The following UAP1 variants were observed in gnomAD, a reference collection of about 807,000 sequenced individuals.
The protein encoded by UAP1 is UDP-N-acetylhexosamine pyrophosphorylase.
A neutral mutation model predicts 58.5 loss-of-function variants in UAP1; 25 were observed. That is an observed-to-expected ratio of 0.43 (90% CI 0.31 to 0.60). The LOEUF is 0.60. Among genes scored for constraint, UAP1 ranks in the 20% least tolerant of loss-of-function variants. UAP1 has a pLI of 0.11. For missense variants in UAP1, 575 were observed against 630.0 expected (o/e 0.91, Z 0.93); for synonymous variants, 208 against 213.0 (o/e 0.98, Z 0.21).
At chr1:162,571,295 A>G (rs551769431) in intron 2 of UAP1, among the ~76,000 whole-genome samples, 3 of 151,846 alleles carry the variant, frequency 2.0e-5, no homozygotes, top group Admixed American at 2.0e-4. Context: ...CACCCAGCCA[A>G]TTTTTGTATT....
At chr1:162,600,548 T>A (rs1307578819), downstream of UAP1, among the ~76,000 whole-genome samples, 1 of 152,006 alleles carries the variant, frequency 6.6e-6, no homozygotes, top group Non-Finnish European at 1.5e-5. Context: ...ATTCTAAAAA[T>A]TATATCTAGA....
chr1:162,582,384 TAA>T (rs1027495508), intron 5 of UAP1, among the ~76,000 whole-genome samples: 66 of 152,196 alleles, frequency 4.3e-4, no homozygotes, highest in Admixed American at 8.5e-4. Context: ...AATTGTAAAT[TAA>T]AAGAGTGTGG....
intron 6 of UAP1, 164 bp downstream of exon 6, chr1:162,587,832 T>A: frequency 1.4e-6 from 1 of 698,702 alleles, no homozygotes; most frequent in Non-Finnish European, 2.3e-6. Flanking sequence ...TTGTTTTTAG[T>A]AAGATGTATT....
chr1:162,590,435 C>G (rs749826575), exon 8 of UAP1: 1 of 1,613,216 alleles, frequency 6.2e-7, no homozygotes, highest in East Asian at 2.2e-5. Context: ...TTTGATGTCC[C>G]TTCATCATTG....
chr1:162,587,619 A>G, exon 6 of UAP1: 1 of 1,614,142 alleles, frequency 6.2e-7, no homozygotes, highest in Non-Finnish European at 8.5e-7. Flanking sequence ...CAATGCGGGG[A>G]ACATTGCCAA....
In UAP1 at chr1:162,574,024, C is replaced by A. The variant is rs147496335; in HGVS notation, c.281-2753C>A. Among the ~76,000 whole-genome samples the A allele has an allele frequency of 1.5e-4, 22 of 150,552 alleles. No individual in the cohort carries two copies. The South Asian group carries it at 3.1e-3, about 22-fold the overall frequency. ...GAATAATGTTCTTGGACTATACTTA[C>A]TAATAAAGGAAAAATAGAGTCAGAA... On this transcript the variant is annotated intron_variant, in intron 2 of 10. Transcript: ENST00000271469.
At chr1:162,576,680 A>C (rs1213249642) in intron 2 of UAP1, 97 bp from the exon 3 acceptor site, 6 of 1,151,886 alleles carry the variant, frequency 5.2e-6, no homozygotes, top group Non-Finnish European at 7.5e-6. Flanking sequence ...GTATAGCCTT[A>C]CTTCCTTTTT....
chr1:162,577,472 A>G (rs1256765962), intron 3 of UAP1, among the ~76,000 whole-genome samples: 2 of 97,906 alleles, frequency 2.0e-5, no homozygotes, highest in Non-Finnish European at 3.7e-5. Context: ...TTTTTGAGAC[A>G]GGGTCTGTCT....
chr1:162,568,895 C>T (rs1029277576), intron 2 of UAP1, among the ~76,000 whole-genome samples: 1 of 152,160 alleles, frequency 6.6e-6, no homozygotes. Context: ...TTTGAGTCTT[C>T]TTTATGTCCT....
exon 11 of UAP1, chr1:162,599,356 G>A: frequency 1.2e-6 from 2 of 1,608,638 alleles, no homozygotes; most frequent in Non-Finnish European, 1.7e-6. Flanking sequence ...GTGAAAAATG[G>A]TATTTGAACC....
At chr1:162,593,067 C>A in intron 9 of UAP1, 1 of 474,754 alleles carries the variant, frequency 2.1e-6, no homozygotes, top group Non-Finnish European at 3.8e-6. Context: ...AGATCCAGAG[C>A]AGGTTACAGG....
intron 2 of UAP1, among the ~76,000 whole-genome samples, chr1:162,569,386 C>T (rs1042025158): frequency 1.3e-5 from 2 of 152,034 alleles, no homozygotes; most frequent in Non-Finnish European, 2.9e-5. Flanking sequence ...TTCTGAAGGT[C>T]GAATATAAGT....
rs1360617153 is a variant in UAP1, at chr1:162,576,765, T to G, written c.281-12T>G. 1 of 1,612,250 alleles carries G rather than the reference T, an allele frequency of 6.2e-7. No individual in the cohort carries two copies. On this transcript the variant is annotated splice_polypyrimidine_tract_variant and intron_variant, in intron 2 of 10. Coordinates refer to ENST00000271469, the Ensembl canonical transcript of UAP1. ...TGTAGAGGTTTTGTGATACAAGTGT[T>G]TTCTTTTCTAGGACTTTTCCAGATT...
At chr1:162,597,162 G>A (rs1464550349) in intron 9 of UAP1, 3 of 152,180 alleles carry the variant, frequency 2.0e-5, no homozygotes, top group Non-Finnish European at 4.4e-5. Flanking sequence ...AGAACTTTCT[G>A]CAGTGAAGGA....
chr1:162,589,203 ATT>A (rs1491547000), intron 7 of UAP1, among the ~76,000 whole-genome samples: 2 of 45,924 alleles, frequency 4.4e-5, no homozygotes, highest in South Asian at 6.4e-4. Context: ...TATATATTAT[ATT>A]TAAATATATA....
intron 5 of UAP1, 87 bp downstream of exon 5, chr1:162,581,546 G>T (rs1654587370): frequency 1.5e-6 from 2 of 1,337,280 alleles, no homozygotes; most frequent in East Asian, 4.6e-5. Context: ...GTTTATTAGG[G>T]TGATTTGAAT....
At chr1:162,567,009 C>T (rs1653553777) in intron 2 of UAP1, among the ~76,000 whole-genome samples, 1 of 152,148 alleles carries the variant, frequency 6.6e-6, no homozygotes, top group Non-Finnish European at 1.5e-5. Context: ...CCAAATAATT[C>T]ACCTTTCCCT....
chr1:162,589,847 CT>C (rs1332020877), intron 7 of UAP1, among the ~76,000 whole-genome samples: 6 of 152,124 alleles, frequency 3.9e-5, no homozygotes, highest in Non-Finnish European at 7.4e-5. Context: ...TGGTGCATGC[CT>C]GAAGTCCCAG....
At position 162,597,790 on chromosome 1, in the gene UAP1, A is replaced by G; in HGVS notation, c.1410-2A>G. 1 of 1,612,322 alleles carries G rather than the reference A, an allele frequency of 6.2e-7. No homozygotes were observed. On this transcript the variant is annotated splice_acceptor_variant, in intron 9 of 10. Transcript: ENST00000271469. LOFTEE classifies it high-confidence loss of function. ...TTAACACATACTTGTTTTTTTTCTT[A>G]GCTTGAAGGATGCCAATGATGTACC...
Sources: allele counts gnomAD v4.1 joint callset (sites outside exome capture counted in the v4.1 genomes callset), GRCh38; gene constraint gnomAD v4.1.1; transcripts MANE v1.5; gene names NCBI Gene and HGNC (gene_info 2026-07-23, HGNC 2026-07-21).